PDE10A: variants seen among roughly 807,000 people sequenced by gnomAD.
PDE10A encodes the protein cAMP and cAMP-inhibited cGMP 3',5'-cyclic phosphodiesterase 10A.
In PDE10A, 39 loss-of-function variants were observed where a neutral mutation model predicts 97.7. The observed-to-expected ratio is 0.40, with a 90% CI of 0.31 to 0.52. PDE10A has a LOEUF of 0.52. Ranked by LOEUF, PDE10A falls within the 20% of genes least tolerant of loss-of-function variation. The pLI is 0.56. For missense variants in PDE10A, 731 were observed against 1,047.8 expected (o/e 0.70, Z 4.17); for synonymous variants, 371 against 376.8 (o/e 0.98, Z 0.18).
chr6:165,379,124 C>A, intron 18 of PDE10A, 70 bp downstream of exon 18: 1 of 1,055,822 alleles, frequency 9.5e-7, no homozygotes, highest in Non-Finnish European at 1.4e-6. Flanking sequence ...CGCCACATTA[C>A]ATTTCTTAAG....
intron 1 of PDE10A, among the ~76,000 whole-genome samples, chr6:165,700,208 C>T (rs1449196717): frequency 1.3e-5 from 2 of 151,996 alleles, no homozygotes; most frequent in African/African-American, 4.8e-5. Context: ...CAAGAGACCA[C>T]ATACTGGATG....
chr6:165,818,780 C>T (rs891195396), intron 1 of PDE10A, among the ~76,000 whole-genome samples: 9 of 152,150 alleles, frequency 5.9e-5, no homozygotes, highest in African/African-American at 2.2e-4. Flanking sequence ...TTATTTGCAG[C>T]AAATCCATAG....
At chr6:165,839,156 T>C (rs1780145819) in intron 1 of PDE10A, among the ~76,000 whole-genome samples, 1 of 152,254 alleles carries the variant, frequency 6.6e-6, no homozygotes, top group African/African-American at 2.4e-5. Context: ...TGACCCTGAA[T>C]GAGTCATTTT....
intron 1 of PDE10A, among the ~76,000 whole-genome samples, chr6:165,594,964 T>A (rs576569711): frequency 1.3e-5 from 2 of 152,208 alleles, no homozygotes; most frequent in Admixed American, 1.3e-4. Context: ...TTATCCGCAA[T>A]CTACAGGTGA....
At chr6:165,653,434 C>G (rs1440265369) in intron 1 of PDE10A, among the ~76,000 whole-genome samples, 1 of 152,138 alleles carries the variant, frequency 6.6e-6, no homozygotes, top group African/African-American at 2.4e-5. Context: ...TGGTGGCAAC[C>G]AAGAGGAAAG....
At position 165,347,068 on chromosome 6, in the gene PDE10A, T is replaced by C. The variant is rs548176018; in HGVS notation, c.2784-3566A>G. ...TTGAAAAGAAACTAGGTTCAATTCT[T>C]TTTTTCTCTAAATTATCACCTTAAT... is the stretch of plus-strand genomic sequence containing the variant. On this transcript the variant is annotated intron_variant, in intron 18 of 21. Coordinates refer to ENST00000539869, the MANE Select transcript of PDE10A (RefSeq NM_001385079.1). 4.6e-5 allele frequency among the ~76,000 whole-genome samples: 6 copies of C among 129,110 alleles called. No homozygotes were observed. The East Asian group carries it at 5.8e-4, about 12-fold the overall frequency. 84.7% of individuals were successfully genotyped at this position (129,110 alleles called of 152,430 possible).
chr6:165,338,547 G>A (rs939356609), intron 20 of PDE10A, among the ~76,000 whole-genome samples: 1 of 152,084 alleles, frequency 6.6e-6, no homozygotes, highest in Non-Finnish European at 1.5e-5. Context: ...GATAATTAAT[G>A]TCAATTTATG....
intron 1 of PDE10A, among the ~76,000 whole-genome samples, chr6:165,802,813 C>A (rs1227557932): frequency 6.6e-6 from 1 of 152,212 alleles, no homozygotes; most frequent in Non-Finnish European, 1.5e-5. Flanking sequence ...CCAACTGGAC[C>A]TATTTGCCTC....
At chr6:165,798,767 G>A (rs11755142) in intron 1 of PDE10A, among the ~76,000 whole-genome samples, 28,945 of 152,128 alleles carry the variant, frequency 0.19, 3,324 homozygotes, top group East Asian at 0.41. Flanking sequence ...AGACTGGAGT[G>A]CAGTGGCATG....
chr6:165,899,047 A>G (rs372537447), intron 1 of PDE10A, among the ~76,000 whole-genome samples: 2 of 152,196 alleles, frequency 1.3e-5, no homozygotes, highest in African/African-American at 4.8e-5. Context: ...CACAGAGGCA[A>G]TGTGAGTTCC....
At chr6:165,595,988 C>T (rs1484734074) in intron 1 of PDE10A, among the ~76,000 whole-genome samples, 1 of 152,178 alleles carries the variant, frequency 6.6e-6, no homozygotes, top group East Asian at 1.9e-4. Flanking sequence ...TGGCCAAAAC[C>T]AAACACCTAA....
chr6:165,981,586 C>T (rs550121996), intron 1 of PDE10A, among the ~76,000 whole-genome samples: 21 of 152,340 alleles, frequency 1.4e-4, no homozygotes, highest in African/African-American at 4.8e-4. Context: ...AGGCTTCATT[C>T]TTGAGCTCCT....
chr6:165,752,089 G>C (rs1793016540), intron 1 of PDE10A, among the ~76,000 whole-genome samples: 2 of 142,782 alleles, frequency 1.4e-5, no homozygotes, highest in Admixed American at 1.5e-4. Flanking sequence ...CTTGCAGTGA[G>C]CCAAGATCAC....
At chr6:165,422,270 T>TACGCATACACACAC in intron 10 of PDE10A, among the ~76,000 whole-genome samples, 2 of 151,282 alleles carry the variant, frequency 1.3e-5, no homozygotes, top group South Asian at 2.1e-4. Flanking sequence ...TACACACACA[T>TACGCATACACACAC]ACGCATACAC....
rs375025053 is a variant in PDE10A at position 165,944,888 on chromosome 6, G to A, written c.-615+42641C>T. On this transcript the variant is annotated intron_variant, in intron 1 of 19. Coordinates refer to the PDE10A transcript ENST00000366882. Reference sequence around the variant, plus strand: ...TAAGGTCCTTTTATGAAAAGTCTATGTGAAGTGAAAATCTTCTGTGCTCAG... The same window carrying A: ...TAAGGTCCTTTTATGAAAAGTCTATATGAAGTGAAAATCTTCTGTGCTCAG... 6.6e-5 allele frequency among the ~76,000 whole-genome samples: 10 copies of A among 152,326 alleles called. No homozygotes were observed. The South Asian group carries it at 8.3e-4, about 13-fold the overall frequency.
intron 7 of PDE10A, among the ~76,000 whole-genome samples, chr6:165,432,087 A>T (rs888939476): frequency 6.6e-6 from 1 of 152,214 alleles, no homozygotes; most frequent in African/African-American, 2.4e-5. Flanking sequence ...TGTACCAGGC[A>T]CTATTCTAGG....
At chr6:165,566,354 T>C (rs1349263149) in intron 1 of PDE10A, among the ~76,000 whole-genome samples, 1 of 152,192 alleles carries the variant, frequency 6.6e-6, no homozygotes, top group South Asian at 2.1e-4. Flanking sequence ...GAAATGCAAA[T>C]TCAAACAACA....
intron 2 of PDE10A, among the ~76,000 whole-genome samples, chr6:165,491,011 C>G (rs761843765): frequency 2.0e-5 from 3 of 152,142 alleles, no homozygotes; most frequent in Admixed American, 1.3e-4. Flanking sequence ...AAGAGACTCA[C>G]CTGACTCATA....
chr6:165,745,853 G>T (rs1437927729), intron 1 of PDE10A, among the ~76,000 whole-genome samples: 2 of 152,218 alleles, frequency 1.3e-5, no homozygotes, highest in Non-Finnish European at 2.9e-5. Context: ...CAAAAGAGAG[G>T]CAGGGTTACT....
Sources: gnomAD v4.1 joint callset for allele counts (sites outside exome capture counted in the v4.1 genomes callset) on GRCh38, gnomAD v4.1.1 for gene constraint, MANE v1.5 for transcripts, NCBI Gene and HGNC (gene_info 2026-07-23, HGNC 2026-07-21) for gene names.